SLC24A3: variants seen among roughly 807,000 people sequenced by gnomAD.
SLC24A3 encodes sodium/potassium/calcium exchanger 3.
SLC24A3 carries 28 observed loss-of-function variants against 75.8 expected under a neutral mutation model. That is an observed-to-expected ratio of 0.37 (90% confidence interval 0.27 to 0.51). The LOEUF (loss-of-function observed/expected upper bound fraction) is 0.51, where lower values mean the gene tolerates loss of function less well. Among genes scored for constraint, SLC24A3 ranks in the 20% least tolerant of loss-of-function variants. The pLI is 0.94. For missense variants in SLC24A3, 663 were observed against 847.8 expected, an observed-to-expected ratio of 0.78 and a Z score of 2.71; for synonymous variants, 372 against 334.1, an observed-to-expected ratio of 1.11 and a Z score of -1.24.
chr20:19,436,380 A>G (rs995167851), intron 2 of SLC24A3, among the ~76,000 whole-genome samples: 2 of 152,188 alleles, frequency 1.3e-5, no homozygotes, highest in African/African-American at 2.4e-5. Flanking sequence ...CTTGGACTTC[A>G]CAGATGGATG....
rs142087978 is a variant in SLC24A3, at chr20:19,508,274, G to A, written c.272-7214G>A. On this transcript the variant is annotated intron_variant, in intron 2 of 16. Coordinates refer to ENST00000328041, the MANE Select transcript of SLC24A3 (RefSeq NM_020689.4). The stretch of plus-strand genomic sequence containing the variant: ...GTAGCATCCAGACTGCCATCCTTCG[G>A]TGCAATTCCTGAGAGACCAATCCCT... Among the ~76,000 whole-genome samples, 641 of 152,248 alleles carry A rather than the reference G, an allele frequency of 4.2e-3. 4 individuals are homozygous for A. Among genetic ancestry groups the A allele is most frequent in the African/African-American group, 0.015 (606 of 41,526 alleles).
chr20:19,282,300 A>C (rs994519091), intron 2 of SLC24A3, among the ~76,000 whole-genome samples: 1 of 152,186 alleles, frequency 6.6e-6, no homozygotes, highest in African/African-American at 2.4e-5. Context: ...CACCAGAAAA[A>C]CAAAAACAAA....
intron 6 of SLC24A3, among the ~76,000 whole-genome samples, chr20:19,639,924 C>T (rs889056229): frequency 6.6e-6 from 1 of 152,276 alleles, no homozygotes; most frequent in Non-Finnish European, 1.5e-5. Flanking sequence ...GCCGGCTGCT[C>T]CGAGTGCGGG....
chr20:19,557,004 A>G lies in SLC24A3; in HGVS notation c.349-22996A>G, dbSNP rs573555497. On this transcript the variant is annotated intron_variant, in intron 3 of 16. Coordinates refer to ENST00000328041, the MANE Select transcript of SLC24A3 (RefSeq NM_020689.4). ...CTATGTGCTGCCAATGAGATGCCCA[A>G]GGTTCTCTGGGCTTGTCCACAGCCC... Among the ~76,000 whole-genome samples the G allele has an allele frequency of 7.2e-5, 11 of 152,276 alleles. No individual in the cohort carries two copies. The East Asian group carries it at 2.1e-3, about 29-fold the overall frequency.
intron 2 of SLC24A3, among the ~76,000 whole-genome samples, chr20:19,331,576 C>T (rs1048398724): frequency 1.3e-5 from 2 of 152,088 alleles, no homozygotes; most frequent in Non-Finnish European, 2.9e-5. Context: ...GTTCCTTGTA[C>T]GATTGTTGTA....
At chr20:19,591,139 C>CCTGG (rs1320366716) in intron 6 of SLC24A3, among the ~76,000 whole-genome samples, 1 of 152,174 alleles carries the variant, frequency 6.6e-6, no homozygotes, top group Non-Finnish European at 1.5e-5. Flanking sequence ...AGGCCACCCA[C>CCTGG]CTGGCTCTGT....
At position 19,425,075 on chromosome 20, in the gene SLC24A3, T is replaced by C. The variant is rs375322575; in HGVS notation, c.272-90413T>C. Reference sequence around the variant, plus strand: ...ATCCCAGCACTTTGGGAGGCCGAGGTGGGCAGATCACGAGTTCAGGAGTTC... The same window carrying C: ...ATCCCAGCACTTTGGGAGGCCGAGGCGGGCAGATCACGAGTTCAGGAGTTC... On this transcript the variant is annotated intron_variant, in intron 2 of 16. Transcript: ENST00000328041. Among the ~76,000 whole-genome samples, 22 of 152,102 alleles carry C rather than the reference T, an allele frequency of 1.4e-4. No individual in the cohort carries two copies. In the East Asian group the frequency reaches 3.7e-3, roughly 26 times the overall value.
At chr20:19,511,193 C>T (rs1988530198) in intron 2 of SLC24A3, among the ~76,000 whole-genome samples, 1 of 152,176 alleles carries the variant, frequency 6.6e-6, no homozygotes. Flanking sequence ...CTGGGATCAC[C>T]TCCCAAACAA....
chr20:19,467,273 T>G (rs180707748), intron 2 of SLC24A3, among the ~76,000 whole-genome samples: 2 of 152,230 alleles, frequency 1.3e-5, no homozygotes, highest in Admixed American at 6.5e-5. Context: ...TGAAAGAGAA[T>G]GTGCTGGTGA....
chr20:19,396,070 G>A (rs1986448608), intron 2 of SLC24A3, among the ~76,000 whole-genome samples: 1 of 152,174 alleles, frequency 6.6e-6, no homozygotes, highest in Non-Finnish European at 1.5e-5. Context: ...GAATTTGTAT[G>A]ATAACCCTTG....
chr20:19,538,504 C>T (rs1342904894), intron 3 of SLC24A3, among the ~76,000 whole-genome samples: 1 of 152,022 alleles, frequency 6.6e-6, no homozygotes, highest in Admixed American at 6.6e-5. Context: ...TTCAAATGGC[C>T]AATAAACATG....
chr20:19,274,649 C>T (rs971257942), intron 1 of SLC24A3, among the ~76,000 whole-genome samples: 2 of 152,172 alleles, frequency 1.3e-5, no homozygotes, highest in Admixed American at 6.5e-5. Context: ...TCTACCTGTA[C>T]GAAGCCAGGG....
chr20:19,585,316 C>T, intron 5 of SLC24A3, 125 bp from the exon 6 acceptor site: 2 of 952,206 alleles, frequency 2.1e-6, no homozygotes, highest in South Asian at 1.6e-5. Flanking sequence ...AGAAAGCTCT[C>T]TCCACCCCTC....
Position 19,667,454 on chromosome 20 carries a change from G to A in SLC24A3, c.713+1565G>A, listed in dbSNP as rs75084144. On this transcript the variant is annotated intron_variant, in intron 8 of 16. Coordinates refer to ENST00000328041, the MANE Select transcript of SLC24A3 (RefSeq NM_020689.4). ...CAGCACAAGAAAACTTCCAGAAGCTGATGGCGTAGTTAGCACAACCACTGC... is the reference window on the plus strand; with the variant it reads ...CAGCACAAGAAAACTTCCAGAAGCTAATGGCGTAGTTAGCACAACCACTGC... Among the ~76,000 whole-genome samples, 175 of 152,324 alleles carry A rather than the reference G, an allele frequency of 1.1e-3. 4 individuals are homozygous for A. The East Asian group carries it at 0.024, about 21-fold the overall frequency.
intron 1 of SLC24A3, among the ~76,000 whole-genome samples, chr20:19,229,213 A>G (rs1360271350): frequency 6.6e-6 from 1 of 152,160 alleles, no homozygotes; most frequent in Non-Finnish European, 1.5e-5. Context: ...AACTTTTCTC[A>G]GTACTAACGT....
intron 1 of SLC24A3, among the ~76,000 whole-genome samples, chr20:19,253,519 G>A (rs569252980): frequency 1.3e-5 from 2 of 152,284 alleles, no homozygotes; most frequent in East Asian, 3.9e-4. Context: ...ATTGTTTCCT[G>A]GTTGTTAATT....
At chr20:19,602,538 G>A (rs2031540507) in intron 6 of SLC24A3, among the ~76,000 whole-genome samples, 2 of 152,096 alleles carry the variant, frequency 1.3e-5, no homozygotes, top group South Asian at 4.1e-4. Flanking sequence ...TTTCACCCAG[G>A]TAGGAAATGT....
At chr20:19,671,945 G>A (rs2032472928) in intron 8 of SLC24A3, among the ~76,000 whole-genome samples, 1 of 152,138 alleles carries the variant, frequency 6.6e-6, no homozygotes, top group Non-Finnish European at 1.5e-5. Flanking sequence ...AGAAGCTGGG[G>A]GCAGGAAGGA....
chr20:19,358,183 A>C lies in SLC24A3; in HGVS notation c.271+77096A>C, dbSNP rs543876501. The stretch of plus-strand genomic sequence containing the variant: ...TTTAGTATTTTCCTGTCAAAAATCC[A>C]GATTGCAGGCCATGACCTGGGGTGC... On this transcript the variant is annotated intron_variant, in intron 2 of 16. Transcript: ENST00000328041. Among the ~76,000 whole-genome samples the C allele has an allele frequency of 5.9e-5, 9 of 152,294 alleles. No individual in the cohort carries two copies. In the South Asian group the frequency reaches 1.9e-3, roughly 32 times the overall value.
Sources: allele counts gnomAD v4.1 joint callset (sites outside exome capture counted in the v4.1 genomes callset), GRCh38; gene constraint gnomAD v4.1.1; transcripts MANE v1.5; gene names NCBI Gene and HGNC (gene_info 2026-07-23, HGNC 2026-07-21).